CRY1: variants seen among roughly 807,000 people sequenced by gnomAD.
The protein encoded by CRY1 is cryptochrome-1.
Under a neutral mutation model 76.0 loss-of-function variants are expected in CRY1, and 45 were observed. The ratio of observed to expected loss-of-function variants is 0.59; its 90% CI spans 0.47 to 0.76. The LOEUF is 0.76. Among genes scored for constraint, CRY1 ranks in the 30% least tolerant of loss-of-function variants. The pLI, the probability that CRY1 is intolerant of heterozygous loss-of-function variation, is 0.00. For synonymous variants in CRY1, 248 were observed against 244.0 expected (o/e 1.02, Z -0.15); for missense variants, 587 against 716.4 (o/e 0.82, Z 2.06).
At chr12:106,995,132 G>A (rs970978933) in intron 10 of CRY1, among the ~76,000 whole-genome samples, 1 of 152,176 alleles carries the variant, frequency 6.6e-6, no homozygotes, top group East Asian at 1.9e-4. Context: ...TGGGATCTTG[G>A]TTAAGTTACC....
chr12:107,040,650 C>T (rs547376459), intron 1 of CRY1, among the ~76,000 whole-genome samples: 111 of 151,942 alleles, frequency 7.3e-4, no homozygotes, highest in African/African-American at 2.6e-3. Flanking sequence ...GTATTTTACA[C>T]TTAAAAATCT....
At chr12:107,034,809 A>G (rs919506097) in intron 1 of CRY1, among the ~76,000 whole-genome samples, 3 of 152,218 alleles carry the variant, frequency 2.0e-5, no homozygotes, top group African/African-American at 7.2e-5. Context: ...CTATCGATAC[A>G]GAAAAAAATA....
At chr12:106,997,252 C>A (rs767130736) in intron 10 of CRY1, 42 bp downstream of exon 10, 1 of 1,476,194 alleles carries the variant, frequency 6.8e-7, no homozygotes, top group Admixed American at 1.7e-5. Context: ...TGTTTAATAA[C>A]CTCTTCATGT....
chr12:107,085,190 T>C (rs1027344673), intron 1 of CRY1, among the ~76,000 whole-genome samples: 4 of 152,116 alleles, frequency 2.6e-5, no homozygotes, highest in Non-Finnish European at 4.4e-5. Flanking sequence ...TGTGAAGAAA[T>C]AGGAACGCTT....
At chr12:107,074,449 G>A (rs1203955819) in intron 1 of CRY1, among the ~76,000 whole-genome samples, 1 of 152,098 alleles carries the variant, frequency 6.6e-6, no homozygotes, top group African/African-American at 2.4e-5. Flanking sequence ...AGACAGATAG[G>A]ATAAGATAAA....
chr12:107,023,539 A>G (rs944610640), intron 1 of CRY1, among the ~76,000 whole-genome samples: 1 of 152,212 alleles, frequency 6.6e-6, no homozygotes, highest in African/African-American at 2.4e-5. Flanking sequence ...TCATTTCACC[A>G]AATAAGTCTT....
intron 1 of CRY1, among the ~76,000 whole-genome samples, chr12:107,081,483 T>C (rs557297478): frequency 1.8e-4 from 27 of 152,150 alleles, no homozygotes; most frequent in African/African-American, 6.0e-4. Context: ...TTTCTCTCCA[T>C]TGAATTTACC....
chr12:107,001,473 C>T, intron 4 of CRY1, 105 bp from the exon 5 acceptor site: 1 of 994,816 alleles, frequency 1.0e-6, no homozygotes, highest in Admixed American at 2.6e-5. Context: ...AAGAGAGTAC[C>T]ATAAAAATGA....
At chr12:107,028,465 C>T (rs949223723) in intron 1 of CRY1, among the ~76,000 whole-genome samples, 1 of 152,032 alleles carries the variant, frequency 6.6e-6, no homozygotes, top group South Asian at 2.1e-4. Context: ...AACCAGTAGA[C>T]CTATATCACT....
chr12:107,073,768 G>C (rs1953219545), intron 1 of CRY1, among the ~76,000 whole-genome samples: 1 of 151,982 alleles, frequency 6.6e-6, no homozygotes, highest in South Asian at 2.1e-4. Context: ...CTTTTGTCTT[G>C]CTATATGCTC....
intron 10 of CRY1, among the ~76,000 whole-genome samples, chr12:106,996,936 T>C (rs1425930415): frequency 6.6e-6 from 1 of 152,246 alleles, no homozygotes; most frequent in African/African-American, 2.4e-5. Flanking sequence ...ACAGGGCCAC[T>C]GACTTTCTTA....
chr12:107,009,563 C>CATATATATATATCTATATATATAT (rs1952418284), intron 2 of CRY1, among the ~76,000 whole-genome samples: 1 of 90,970 alleles, frequency 1.1e-5, no homozygotes, highest in Non-Finnish European at 2.1e-5. Context: ...AACAAAAAAA[C>CATATATATATATCTATATATATAT]ATATATATAT....
chr12:107,087,416 AG>A lies in CRY1; in HGVS notation c.158+5387del, dbSNP rs1953416277. Among the ~76,000 whole-genome samples, 3 of 152,366 alleles carry A rather than the reference AG, an allele frequency of 2.0e-5. No individual in the cohort carries two copies. In the South Asian group the frequency reaches 6.2e-4, roughly 32 times the overall value. ...CAAGCCATAGAGATGGGGCTGCCCA[AG>A]GCTTCAAGAGCCCACCTCTTGGACC... is the stretch of plus-strand genomic sequence containing the variant. On this transcript the variant is annotated intron_variant, in intron 1 of 12. Coordinates refer to ENST00000008527, the MANE Select transcript of CRY1 (RefSeq NM_004075.5).
rs750253219 is a variant in CRY1, at chr12:106,999,712, C to T, written c.976G>A (p.Ala326Thr). Residue 326 changes from alanine (A) to threonine (T), a missense_variant, in exon 7 of 13, where the codon GCT (alanine) becomes ACT (threonine). Coordinates refer to ENST00000008527, the MANE Select transcript of CRY1 (RefSeq NM_004075.5). ...CGGCCTTCCGCCCATTTGGCTAAAG[C>T]CTCAGGATTTTTATCCCAAGGAATC... ...VQIPWDKNPE[A>T]LAKWAEGRTG... The T allele has an allele frequency of 6.2e-7, 1 of 1,614,208 alleles. No individual in the cohort carries two copies. The highest frequency in any genetic ancestry group is 8.5e-7 in the Non-Finnish European group (1 of 1,180,038).
intron 1 of CRY1, among the ~76,000 whole-genome samples, chr12:107,024,375 C>G (rs1482758321): frequency 1.3e-5 from 2 of 151,202 alleles, no homozygotes; most frequent in Non-Finnish European, 2.9e-5. Flanking sequence ...TCTTAATAGG[C>G]TGAATAAGCA....
chr12:107,075,190 A>G (rs17289712), intron 1 of CRY1, among the ~76,000 whole-genome samples: 5,646 of 152,332 alleles, frequency 0.037, 114 homozygotes, highest in Non-Finnish European at 0.047. Context: ...CTGCTTTCTA[A>G]TAAGTCCAAT....
chr12:107,073,046 A>G (rs1953209419), intron 1 of CRY1: 1 of 152,034 alleles, frequency 6.6e-6, no homozygotes, highest in Non-Finnish European at 1.5e-5. Flanking sequence ...CTCAGTGTCA[A>G]TGTAAATTCT....
At chr12:107,015,545 A>T (rs1952490158) in intron 2 of CRY1, among the ~76,000 whole-genome samples, 1 of 152,216 alleles carries the variant, frequency 6.6e-6, no homozygotes, top group African/African-American at 2.4e-5. Flanking sequence ...CGGTCTCAGC[A>T]TGTTGTCCAG....
chr12:107,075,162 CA>C (rs369024200), intron 1 of CRY1, among the ~76,000 whole-genome samples: 2,437 of 152,234 alleles, frequency 0.016, 68 homozygotes, highest in African/African-American at 0.056. Context: ...TTCAGTTTGA[CA>C]AAAATAAAAT....
Sources: allele counts gnomAD v4.1 joint callset (sites outside exome capture counted in the v4.1 genomes callset), GRCh38; gene constraint gnomAD v4.1.1; transcripts MANE v1.5; gene names NCBI Gene and HGNC (gene_info 2026-07-23, HGNC 2026-07-21).